Variants in AFG1L observed in about 807,000 individuals in gnomAD.
AFG1L encodes AFG1 like ATPase, also known as AFG1-like ATPase.
In AFG1L, 53 loss-of-function variants were observed where a neutral mutation model predicts 62.2. The ratio of observed to expected loss-of-function variants is 0.85; its 90% CI spans 0.68 to 1.07. The LOEUF is 1.07. Among genes scored for constraint, AFG1L ranks in the 50% least tolerant of loss-of-function variants. AFG1L has a pLI of 0.00. For missense variants in AFG1L, 555 were observed against 590.5 expected (o/e 0.94, Z 0.62); for synonymous variants, 228 against 210.3 (o/e 1.08, Z -0.73).
At chr6:108,467,903 A>C (rs981058167) in intron 8 of AFG1L, among the ~76,000 whole-genome samples, 1 of 152,222 alleles carries the variant, frequency 6.6e-6, no homozygotes, top group African/African-American at 2.4e-5. Flanking sequence ...GGATTCCCCA[A>C]CTTGCAGCTT....
At chr6:108,345,237 C>T (rs1024588669) in intron 2 of AFG1L, among the ~76,000 whole-genome samples, 10 of 151,980 alleles carry the variant, frequency 6.6e-5, no homozygotes, top group African/African-American at 9.7e-5. Context: ...CCTAATGCCT[C>T]AGCCTCCCAA....
chr6:108,308,383 T>C (rs1374762706), intron 1 of AFG1L, among the ~76,000 whole-genome samples: 2 of 152,330 alleles, frequency 1.3e-5, no homozygotes, highest in East Asian at 3.9e-4. Flanking sequence ...ACTCCTGGCC[T>C]CAAGCTATCC....
chr6:108,392,396 T>G (rs967770219), intron 6 of AFG1L, among the ~76,000 whole-genome samples: 15 of 152,206 alleles, frequency 9.9e-5, no homozygotes, highest in Non-Finnish European at 2.1e-4. Context: ...CATAAATGAA[T>G]TTCTTGTTTA....
Position 108,445,855 on chromosome 6 carries a change from G to C in AFG1L, c.808-1359G>C, listed in dbSNP as rs182980197. Among the ~76,000 whole-genome samples the C allele has an allele frequency of 2.5e-3, 374 of 152,148 alleles. 7 individuals are homozygous for C. Among genetic ancestry groups the C allele is most frequent in the South Asian group, 0.012 (57 of 4,822 alleles). On this transcript the variant is annotated intron_variant, in intron 7 of 12. Coordinates refer to ENST00000368977, the MANE Select transcript of AFG1L (RefSeq NM_145315.5). ...ATAATTAATGACATAATTTTTAAAA[G>C]TTTGAAATACTACAAGAATTACCAA... is the stretch of plus-strand genomic sequence containing the variant.
intron 7 of AFG1L, among the ~76,000 whole-genome samples, chr6:108,424,896 TA>T (rs1003884366): frequency 2.5e-4 from 38 of 152,118 alleles, no homozygotes; most frequent in African/African-American, 9.2e-4. Context: ...TTTCTTTATA[TA>T]AATGTATCAC....
chr6:108,359,060 T>C (rs1314398908), intron 5 of AFG1L: 2 of 152,228 alleles, frequency 1.3e-5, no homozygotes, highest in Non-Finnish European at 2.9e-5. Context: ...TAAATGAATA[T>C]ATCAATAATG....
intron 7 of AFG1L, among the ~76,000 whole-genome samples, chr6:108,430,941 A>G (rs111671491): frequency 0.028 from 4,329 of 152,288 alleles, 96 homozygotes; most frequent in Middle Eastern, 0.085. Context: ...TTTGAATAGT[A>G]TAAGGACAAG....
At chr6:108,295,288 C>G in intron 1 of AFG1L, 70 bp downstream of exon 1, 1 of 1,500,916 alleles carries the variant, frequency 6.7e-7, no homozygotes, top group South Asian at 1.3e-5. Context: ...GATTACCCTC[C>G]CTGTCCGATC....
intron 8 of AFG1L, among the ~76,000 whole-genome samples, chr6:108,475,707 T>C (rs1307942306): frequency 6.6e-6 from 1 of 152,216 alleles, no homozygotes; most frequent in African/African-American, 2.4e-5. Context: ...GGTTATTACT[T>C]GGAATGTGAC....
chr6:108,435,037 A>G (rs1771240344), intron 7 of AFG1L, among the ~76,000 whole-genome samples: 1 of 152,156 alleles, frequency 6.6e-6, no homozygotes, highest in Admixed American at 6.5e-5. Context: ...TCCTTGCTAG[A>G]CGGATGTTCT....
At chr6:108,386,631 T>C (rs2114575343) in intron 6 of AFG1L, among the ~76,000 whole-genome samples, 1 of 152,202 alleles carries the variant, frequency 6.6e-6, no homozygotes, top group South Asian at 2.1e-4. Context: ...TGGTGAATAG[T>C]GGGGTAAATA....
intron 11 of AFG1L, among the ~76,000 whole-genome samples, chr6:108,517,143 C>A (rs1357530755): frequency 6.6e-6 from 1 of 152,178 alleles, no homozygotes; most frequent in East Asian, 1.9e-4. Flanking sequence ...ACAGAATTGG[C>A]AAAAACTACT....
intron 1 of AFG1L, among the ~76,000 whole-genome samples, chr6:108,311,705 A>C (rs749091461): frequency 6.6e-6 from 1 of 151,798 alleles, no homozygotes; most frequent in African/African-American, 2.4e-5. Context: ...CCAGCTCGCC[A>C]CTGATTGTAT....
At chr6:108,490,661 G>T (rs986857008) in intron 10 of AFG1L, among the ~76,000 whole-genome samples, 8 of 152,146 alleles carry the variant, frequency 5.3e-5, no homozygotes, top group Non-Finnish European at 7.3e-5. Context: ...TAGTTACATA[G>T]TCACATCATC....
Position 108,355,589 on chromosome 6 carries a change from A to C in AFG1L, c.416-65A>C, listed in dbSNP as rs916765754. ...GGTTTCATTATCTCAAAGCTAATGA[A>C]CAATCATTACAGCAATCAGTACATA... On this transcript the variant is annotated intron_variant, in intron 3 of 12. Transcript: ENST00000368977. 3 of 773,366 alleles carry C rather than the reference A, an allele frequency of 3.9e-6. No individual in the cohort carries two copies. In the African/African-American group the frequency reaches 5.6e-5, roughly 14 times the overall value. 47.9% of individuals were successfully genotyped at this position (773,366 alleles called of 1,614,324 possible).
chr6:108,449,070 C>T (rs1224674323), intron 8 of AFG1L, among the ~76,000 whole-genome samples: 1 of 151,548 alleles, frequency 6.6e-6, no homozygotes, highest in Non-Finnish European at 1.5e-5. Flanking sequence ...ATCGCTTGAG[C>T]CTAGGAGGTG....
intron 7 of AFG1L, among the ~76,000 whole-genome samples, chr6:108,430,944 A>C (rs1291732454): frequency 6.6e-6 from 1 of 152,178 alleles, no homozygotes; most frequent in Non-Finnish European, 1.5e-5. Flanking sequence ...GAATAGTATA[A>C]GGACAAGACT....
intron 2 of AFG1L, among the ~76,000 whole-genome samples, chr6:108,325,532 C>G (rs1368176154): frequency 1.3e-5 from 2 of 151,558 alleles, no homozygotes; most frequent in African/African-American, 2.4e-5. Context: ...ATTGCCCAGG[C>G]TAGAGGGCAG....
At chr6:108,349,255 G>A (rs987391011) in intron 3 of AFG1L, among the ~76,000 whole-genome samples, 3 of 151,558 alleles carry the variant, frequency 2.0e-5, no homozygotes, top group Non-Finnish European at 4.4e-5. Context: ...AGGCCGAGGC[G>A]AGTGGATTGC....
Sources: allele counts gnomAD v4.1 joint callset (sites outside exome capture counted in the v4.1 genomes callset), GRCh38; gene constraint gnomAD v4.1.1; transcripts MANE v1.5; gene names NCBI Gene and HGNC (gene_info 2026-07-23, HGNC 2026-07-21).